PLXNA4: variants seen among roughly 807,000 people sequenced by gnomAD.
PLXNA4 encodes the protein plexin-A4.
In PLXNA4, 44 loss-of-function variants were observed where a neutral mutation model predicts 191.8. The observed-to-expected ratio is 0.23, with a 90% CI of 0.18 to 0.29. PLXNA4 has a LOEUF of 0.29. Among genes scored for constraint, PLXNA4 ranks in the 10% least tolerant of loss-of-function variants. The probability of loss-of-function intolerance (pLI) is 1.00; values close to 1 mark genes in which losing one functional copy is unlikely to be tolerated. For synonymous variants in PLXNA4, 1,082 were observed against 1,009.5 expected (o/e 1.07, Z -1.36); for missense variants, 1,800 against 2,488.8 (o/e 0.72, Z 5.89).
At chr7:132,356,320 TTAA>T (rs1376334205) in intron 3 of PLXNA4, among the ~76,000 whole-genome samples, 1 of 152,214 alleles carries the variant, frequency 6.6e-6, no homozygotes, top group African/African-American at 2.4e-5. Context: ...ATCAGCAGCA[TTAA>T]TAATGTCACC....
chr7:132,186,049 T>C (rs1796869322), intron 15 of PLXNA4, among the ~76,000 whole-genome samples: 1 of 152,210 alleles, frequency 6.6e-6, no homozygotes, highest in Non-Finnish European at 1.5e-5. Context: ...ATGCCAGGCC[T>C]GGCCAGGTCT....
At chr7:132,401,521 T>A (rs538432509) in intron 3 of PLXNA4, among the ~76,000 whole-genome samples, 9 of 152,182 alleles carry the variant, frequency 5.9e-5, no homozygotes, top group South Asian at 2.1e-4. Flanking sequence ...TCATGAATAC[T>A]TGTGGAGCAA....
intron 5 of PLXNA4, among the ~76,000 whole-genome samples, chr7:132,235,938 C>T (rs994590426): frequency 6.6e-5 from 10 of 152,250 alleles, no homozygotes; most frequent in Non-Finnish European, 1.2e-4. Context: ...AATAAAGGCT[C>T]AAAACTCAGG....
intron 3 of PLXNA4, among the ~76,000 whole-genome samples, chr7:132,332,384 G>A (rs979504837): frequency 2.2e-4 from 33 of 152,172 alleles, no homozygotes; most frequent in Non-Finnish European, 2.6e-4. Context: ...ATGTTTGGAA[G>A]CAAGAACATC....
At chr7:132,192,493 CAAGGAAGG>C (rs1264962894) in intron 14 of PLXNA4, among the ~76,000 whole-genome samples, 56 of 138,016 alleles carry the variant, frequency 4.1e-4, no homozygotes, top group African/African-American at 1.5e-3. Context: ...AGAAAGGAAG[CAAGGAAGG>C]AAGGAAGGGA....
At chr7:132,444,812 C>T (rs10488374) in intron 3 of PLXNA4, among the ~76,000 whole-genome samples, 109,726 of 151,698 alleles carry the variant, frequency 0.72, 43,716 homozygotes, top group Non-Finnish European at 0.89. Flanking sequence ...CAAAATCATT[C>T]TTCTGGACGT....
At chr7:132,211,806 C>T (rs1389719655) in intron 9 of PLXNA4, among the ~76,000 whole-genome samples, 2 of 152,196 alleles carry the variant, frequency 1.3e-5, no homozygotes, top group African/African-American at 4.8e-5. Context: ...TAGCAATGGG[C>T]ACACTTAGCC....
chr7:132,388,276 A>G (rs1466141656), intron 3 of PLXNA4, among the ~76,000 whole-genome samples: 4 of 152,034 alleles, frequency 2.6e-5, no homozygotes, highest in Admixed American at 6.5e-5. Flanking sequence ...TCCGACTTCC[A>G]TAGGAGTTCT....
intron 3 of PLXNA4, among the ~76,000 whole-genome samples, chr7:132,397,482 T>C (rs1421439716): frequency 6.6e-6 from 1 of 152,162 alleles, no homozygotes; most frequent in Non-Finnish European, 1.5e-5. Context: ...AGGTGCTTTA[T>C]TTACCACACA....
intron 4 of PLXNA4, among the ~76,000 whole-genome samples, chr7:132,281,424 A>AT (rs1452025584): frequency 1.3e-5 from 2 of 152,104 alleles, no homozygotes; most frequent in East Asian, 3.9e-4. Flanking sequence ...GAATTTTTAT[A>AT]TTTTTTAACA....
At chr7:132,172,509 T>C (rs542538137) in intron 21 of PLXNA4, among the ~76,000 whole-genome samples, 12 of 152,120 alleles carry the variant, frequency 7.9e-5, no homozygotes, top group Non-Finnish European at 1.8e-4. Context: ...AACACTGGTT[T>C]GGATTAATCA....
In PLXNA4 at chr7:132,549,269, G is replaced by A. The variant is rs530743887; in HGVS notation, c.-87+27153C>T. Among the ~76,000 whole-genome samples the A allele has an allele frequency of 1.1e-4, 16 of 152,184 alleles. No homozygotes were observed. In the East Asian group the frequency reaches 2.7e-3, roughly 26 times the overall value. ...GTGTGAGGTCCAAGAAAACTCTGTT[G>A]GGGTCTGGATCAGGATGCTTTTCTG... On this transcript the variant is annotated intron_variant, in intron 1 of 31. Transcript: ENST00000321063.
intron 5 of PLXNA4, among the ~76,000 whole-genome samples, chr7:132,231,754 C>T (rs1798530761): frequency 1.3e-5 from 2 of 152,180 alleles, no homozygotes; most frequent in African/African-American, 4.8e-5. Context: ...CATGACTGGC[C>T]CTTGGGGCAA....
chr7:132,625,772 T>C (rs552432746), intron 2 of PLXNA4, among the ~76,000 whole-genome samples: 9 of 152,208 alleles, frequency 5.9e-5, no homozygotes, highest in Non-Finnish European at 1.0e-4. Context: ...GTTGGAATGG[T>C]AGATCAACAA....
At chr7:132,562,916 C>T (rs1161573788) in intron 1 of PLXNA4, among the ~76,000 whole-genome samples, 4 of 113,068 alleles carry the variant, frequency 3.5e-5, no homozygotes, top group Admixed American at 8.3e-5. Context: ...TCCTCCTCTT[C>T]CTCCTCCTCC....
At chr7:132,555,045 G>GAAAAAAAAAAACAAAAA (rs770401001) in intron 1 of PLXNA4, among the ~76,000 whole-genome samples, 6 of 111,924 alleles carry the variant, frequency 5.4e-5, no homozygotes, top group African/African-American at 1.1e-4. Context: ...AAACCTGAAG[G>GAAAAAAAAAAACAAAAA]AAAAAAAAAA....
chr7:132,533,052 T>C (rs1563156010), intron 1 of PLXNA4, among the ~76,000 whole-genome samples: 2 of 152,222 alleles, frequency 1.3e-5, no homozygotes, highest in African/African-American at 4.8e-5. Context: ...ACCGAAGGGA[T>C]TTCTGTCCTT....
chr7:132,425,472 T>A (rs1795007192), intron 3 of PLXNA4, among the ~76,000 whole-genome samples: 1 of 152,024 alleles, frequency 6.6e-6, no homozygotes, highest in African/African-American at 2.4e-5. Context: ...AGGGTTAATG[T>A]CTGTCTCCCG....
In PLXNA4 at chr7:132,388,951, G is replaced by A. The variant is rs143077871; in HGVS notation, c.1372-90729C>T. ...ATGACTGGCAGCTCAGAGCAGAGGC[G>A]TGTCCTTCACACAGCTCTGGCTGGA... is the stretch of plus-strand genomic sequence containing the variant. On this transcript the variant is annotated intron_variant, in intron 3 of 31. Transcript: ENST00000321063. Among the ~76,000 whole-genome samples, 970 of 152,358 alleles carry A rather than the reference G, an allele frequency of 6.4e-3. 6 individuals carry two copies. Among genetic ancestry groups the A allele is most frequent in the Middle Eastern group, 0.034 (10 of 294 alleles).
Sources: allele counts gnomAD v4.1 joint callset (sites outside exome capture counted in the v4.1 genomes callset), GRCh38; gene constraint gnomAD v4.1.1; transcripts MANE v1.5; gene names NCBI Gene and HGNC (gene_info 2026-07-23, HGNC 2026-07-21).